The following TK2 variants were observed in gnomAD, a reference collection of about 807,000 sequenced individuals.
TK2 encodes the protein thymidine kinase 2.
TK2 carries 35 observed loss-of-function variants against 41.9 expected under a neutral mutation model. That is an observed-to-expected ratio of 0.84 (90% CI 0.64 to 1.11). The LOEUF is 1.11. Among genes scored for constraint, TK2 ranks in the 50% least tolerant of loss-of-function variants. The probability of loss-of-function intolerance (pLI) is 0.00; values close to 1 mark genes in which losing one functional copy is unlikely to be tolerated. For synonymous variants in TK2, 128 were observed against 129.1 expected, an observed-to-expected ratio of 0.99 and a Z score of 0.06; for missense variants, 320 against 351.1, an observed-to-expected ratio of 0.91 and a Z score of 0.71.
intron 2 of TK2, among the ~76,000 whole-genome samples, chr16:66,544,654 C>T (rs1041530169): frequency 2.0e-5 from 3 of 152,222 alleles, no homozygotes; most frequent in Non-Finnish European, 4.4e-5. Context: ...CAATTTATCT[C>T]CATTTTCCTC....
At chr16:66,519,782 C>T (rs1964725633) in intron 6 of TK2, among the ~76,000 whole-genome samples, 1 of 152,132 alleles carries the variant, frequency 6.6e-6, no homozygotes. Context: ...CAAGACTGGC[C>T]ATGGGGGAGT....
At chr16:66,546,496 T>A (rs963629943) in intron 2 of TK2, 1 of 152,118 alleles carries the variant, frequency 6.6e-6, no homozygotes, top group African/African-American at 2.4e-5. Flanking sequence ...CCCACATCTA[T>A]CTCTTAACTA....
intron 2 of TK2, among the ~76,000 whole-genome samples, chr16:66,544,014 T>C (rs1221302592): frequency 6.6e-6 from 1 of 152,212 alleles, no homozygotes; most frequent in South Asian, 2.1e-4. Flanking sequence ...TTCCTAGATA[T>C]ATAAAAAGAG....
chr16:66,510,393 G>A lies in TK2; in HGVS notation c.*1575C>T, dbSNP rs1964417740. ...TTTCCAGCTAATTAGCAGCACGTGG[G>A]CTACAGGTGCTGCTAGACACAGCTC... On this transcript the variant is annotated 3_prime_UTR_variant, in exon 10 of 10. Coordinates refer to ENST00000544898, the MANE Select transcript of TK2 (RefSeq NM_004614.5). 6.6e-6 allele frequency: 1 copy of A among 152,252 alleles called. No homozygotes were observed. Among genetic ancestry groups the A allele is most frequent in the African/African-American group, 2.4e-5 (1 of 41,458 alleles). The allele number at this position is 152,252 out of a possible 1,614,324, so 9.4% of individuals were successfully genotyped here.
chr16:66,542,120 T>G (rs1437926797), intron 2 of TK2, among the ~76,000 whole-genome samples, 167 bp from the exon 3 acceptor site: 1 of 152,142 alleles, frequency 6.6e-6, no homozygotes, highest in African/African-American at 2.4e-5. Context: ...GTCCCATTGT[T>G]AGTAATAACA....
At chr16:66,544,515 G>A (rs1965546907) in intron 2 of TK2, among the ~76,000 whole-genome samples, 1 of 152,132 alleles carries the variant, frequency 6.6e-6, no homozygotes, top group African/African-American at 2.4e-5. Flanking sequence ...GTGTACTCAG[G>A]GCCTCGTTGC....
intron 6 of TK2, among the ~76,000 whole-genome samples, chr16:66,526,924 TG>T (rs1964950093): frequency 6.6e-6 from 1 of 152,208 alleles, no homozygotes; most frequent in African/African-American, 2.4e-5. Context: ...CTCGCTCTGT[TG>T]CCCAGGCTGG....
intron 3 of TK2, among the ~76,000 whole-genome samples, chr16:66,541,162 G>A (rs983688061): frequency 2.6e-5 from 4 of 152,056 alleles, no homozygotes; most frequent in South Asian, 2.1e-4. Context: ...AATGAATTTC[G>A]TGTTTTGGCT....
intron 3 of TK2, among the ~76,000 whole-genome samples, chr16:66,538,158 G>A (rs190339477): frequency 3.4e-4 from 51 of 152,108 alleles, no homozygotes; most frequent in African/African-American, 9.9e-4. Context: ...GCAAGACTCC[G>A]TCTCTAAAAA....
At chr16:66,549,901 A>G (rs1965735904) in intron 1 of TK2, 37 bp downstream of exon 1, 1 of 1,336,104 alleles carries the variant, frequency 7.5e-7, no homozygotes. Flanking sequence ...GTGGGCGCAT[A>G]GGGGCTCCTG....
intron 2 of TK2, 173 bp downstream of exon 2, chr16:66,548,805 T>C (rs1032457902): frequency 7.7e-6 from 5 of 651,066 alleles, no homozygotes; most frequent in Admixed American, 2.7e-5. Flanking sequence ...ATACAAGAAA[T>C]TGGTAACAGA....
intron 6 of TK2, among the ~76,000 whole-genome samples, chr16:66,528,334 G>A (rs940279964): frequency 6.6e-6 from 1 of 152,186 alleles, no homozygotes; most frequent in Non-Finnish European, 1.5e-5. Flanking sequence ...GCACTGACAG[G>A]CCACCAGAAG....
rs1192867464 is a variant in TK2, at chr16:66,511,986, A to G, written c.780T>C (p.Asn260=). 5 of 1,614,130 alleles carry G rather than the reference A, an allele frequency of 3.1e-6. No homozygotes were observed. Among genetic ancestry groups the G allele is most frequent in the Non-Finnish European group, 4.2e-6 (5 of 1,180,018 alleles). Residue 260 remains asparagine (N), a synonymous_variant, in exon 10 of 10, where the codon AAT becomes AAC. Coordinates refer to ENST00000544898, the MANE Select transcript of TK2 (RefSeq NM_004614.5). ...TTGCCTCCTATGGGCAATGCTTCCG[A>G]TTCTCTGGAGTTAATATTCGATCCC... ...QNRDRILTPE[N]RKHCP
chr16:66,511,866 G>A lies in TK2; in HGVS notation c.*102C>T. ...ACCATTAGGAAAATCAAGCTGGCCA[G>A]ACACAAAGCCCTCCTGGGAGCAAGT... On this transcript the variant is annotated 3_prime_UTR_variant, in exon 10 of 10. Transcript: ENST00000544898. 1.0e-6 allele frequency: 1 copy of A among 993,726 alleles called. No individual in the cohort carries two copies. The highest frequency in any genetic ancestry group is 1.6e-6 in the Non-Finnish European group (1 of 627,382). The allele number at this position is 993,726 out of a possible 1,614,324, so 61.6% of individuals were successfully genotyped here. A position where few individuals can be genotyped will look rare whatever the true frequency, so the allele number is the denominator to read the frequency against.
At chr16:66,534,745 CTCAA>C (rs1965224617) in intron 4 of TK2, among the ~76,000 whole-genome samples, 1 of 152,262 alleles carries the variant, frequency 6.6e-6, no homozygotes, top group Non-Finnish European at 1.5e-5. Flanking sequence ...AACCCACCTA[CTCAA>C]TCACTCTCCA....
intron 1 of TK2, 58 bp downstream of exon 1, chr16:66,549,880 G>T: frequency 1.5e-6 from 2 of 1,299,642 alleles, no homozygotes; most frequent in Non-Finnish European, 1.9e-6. Flanking sequence ...AAGCCGAGGG[G>T]CCGGGAGTAG....
intron 4 of TK2, among the ~76,000 whole-genome samples, chr16:66,532,424 C>A (rs573598365): frequency 1.3e-5 from 2 of 151,886 alleles, no homozygotes; most frequent in Non-Finnish European, 2.9e-5. Flanking sequence ...GCCAACATGA[C>A]GAAATCCTGT....
intron 6 of TK2, among the ~76,000 whole-genome samples, chr16:66,528,575 G>A (rs1179151280): frequency 1.3e-5 from 2 of 152,166 alleles, no homozygotes; most frequent in East Asian, 3.8e-4. Flanking sequence ...TGGAGCAGAG[G>A]CCTGAAAAAT....
intron 3 of TK2, 59 bp downstream of exon 3, chr16:66,541,820 C>G (rs1802205711): frequency 6.4e-7 from 1 of 1,574,500 alleles, no homozygotes; most frequent in South Asian, 1.1e-5. Flanking sequence ...TCCACACCCT[C>G]TATAAATTAT....
Sources: gnomAD v4.1 joint callset for allele counts (sites outside exome capture counted in the v4.1 genomes callset) on GRCh38, gnomAD v4.1.1 for gene constraint, MANE v1.5 for transcripts, NCBI Gene and HGNC (gene_info 2026-07-23, HGNC 2026-07-21) for gene names.